The following NEK11 variants were observed in gnomAD, a reference collection of about 807,000 sequenced individuals.
NEK11 encodes NIMA related kinase 11.
NEK11 carries 72 observed loss-of-function variants against 80.7 expected under a neutral mutation model. That is an observed-to-expected ratio of 0.89 (90% CI 0.74 to 1.08). The LOEUF is 1.08. NEK11 is among the 50% of genes least tolerant of loss of function. The pLI is 0.00. For synonymous variants in NEK11, 251 were observed against 260.7 expected, an observed-to-expected ratio of 0.96 and a Z score of 0.36; for missense variants, 764 against 763.6, an observed-to-expected ratio of 1.00 and a Z score of -0.01.
chr3:131,174,133 T>C (rs781184753), intron 14 of NEK11, among the ~76,000 whole-genome samples: 11 of 152,144 alleles, frequency 7.2e-5, no homozygotes, highest in Non-Finnish European at 1.6e-4. Flanking sequence ...GTCAATTCTA[T>C]GTCTTTGCTA....
chr3:131,313,969 G>T (rs2096807909), intron 17 of NEK11, among the ~76,000 whole-genome samples: 1 of 152,160 alleles, frequency 6.6e-6, no homozygotes, highest in East Asian at 1.9e-4. Flanking sequence ...AATATATTGG[G>T]AAATAGATGT....
intron 17 of NEK11, among the ~76,000 whole-genome samples, chr3:131,343,705 C>T (rs1242888588): frequency 2.0e-5 from 3 of 152,240 alleles, no homozygotes; most frequent in Non-Finnish European, 4.4e-5. Context: ...GCTGCCAGAG[C>T]TTATGGCTTG....
chr3:131,192,322 A>G (rs1207108867), intron 14 of NEK11, among the ~76,000 whole-genome samples: 1 of 152,192 alleles, frequency 6.6e-6, no homozygotes, highest in Non-Finnish European at 1.5e-5. Flanking sequence ...TGGAACCCTT[A>G]TGCACTGCTG....
At chr3:131,228,278 A>C (rs959186188) in intron 14 of NEK11, among the ~76,000 whole-genome samples, 2 of 152,132 alleles carry the variant, frequency 1.3e-5, no homozygotes, top group Admixed American at 6.6e-5. Context: ...ATTCTTATTT[A>C]ATGATTTTTT....
At chr3:131,158,553 G>A (rs1378496789) in intron 10 of NEK11, among the ~76,000 whole-genome samples, 1 of 152,180 alleles carries the variant, frequency 6.6e-6, no homozygotes, top group African/African-American at 2.4e-5. Flanking sequence ...CCTGCCCTGA[G>A]TGGCCACCCC....
At chr3:131,074,883 C>T (rs1237566261) in intron 3 of NEK11, among the ~76,000 whole-genome samples, 2 of 152,112 alleles carry the variant, frequency 1.3e-5, no homozygotes, top group Admixed American at 6.6e-5. Context: ...TGTTGGCCTC[C>T]CCATGGGACT....
At chr3:131,220,292 G>A (rs1296474455) in intron 14 of NEK11, among the ~76,000 whole-genome samples, 2 of 152,026 alleles carry the variant, frequency 1.3e-5, no homozygotes, top group Non-Finnish European at 2.9e-5. Context: ...GGACGTTGTA[G>A]CATATTAATC....
intron 14 of NEK11, among the ~76,000 whole-genome samples, chr3:131,224,283 A>G (rs1388291224): frequency 6.6e-6 from 1 of 151,942 alleles, no homozygotes; most frequent in East Asian, 1.9e-4. Context: ...TCTGGAGTGC[A>G]GTGGCACGAT....
At chr3:131,074,239 A>G (rs2073952631) in intron 3 of NEK11, among the ~76,000 whole-genome samples, 1 of 152,146 alleles carries the variant, frequency 6.6e-6, no homozygotes, top group South Asian at 2.1e-4. Flanking sequence ...AGCATGGCTT[A>G]ATGGGAGGGT....
At chr3:131,303,698 A>C (rs1192306404) in intron 17 of NEK11, among the ~76,000 whole-genome samples, 1 of 152,148 alleles carries the variant, frequency 6.6e-6, no homozygotes, top group East Asian at 1.9e-4. Flanking sequence ...TCTGGCTTGT[A>C]GAATTTCTGT....
chr3:131,091,235 TA>T (rs2076684928), intron 4 of NEK11, among the ~76,000 whole-genome samples: 1 of 152,228 alleles, frequency 6.6e-6, no homozygotes. Flanking sequence ...TGCTTAATGC[TA>T]AAAACAGATA....
At chr3:131,177,248 T>C (rs917945238) in intron 14 of NEK11, among the ~76,000 whole-genome samples, 1 of 152,224 alleles carries the variant, frequency 6.6e-6, no homozygotes, top group African/African-American at 2.4e-5. Context: ...GTCCTGACTT[T>C]CCCATGTGAT....
intron 4 of NEK11, among the ~76,000 whole-genome samples, chr3:131,095,528 A>G (rs1466545481): frequency 6.6e-6 from 1 of 151,498 alleles, no homozygotes; most frequent in African/African-American, 2.4e-5. Context: ...TTTTCTGTAT[A>G]TACAGTATTT....
At chr3:131,285,302 T>C (rs974450865) in intron 17 of NEK11, among the ~76,000 whole-genome samples, 4 of 151,900 alleles carry the variant, frequency 2.6e-5, no homozygotes, top group Non-Finnish European at 5.9e-5. Context: ...AGAGAGAAGG[T>C]GGGCTGTGGT....
At chr3:131,136,027 A>G (rs1300419329) in intron 7 of NEK11, among the ~76,000 whole-genome samples, 1 of 152,024 alleles carries the variant, frequency 6.6e-6, no homozygotes, top group Non-Finnish European at 1.5e-5. Flanking sequence ...TAGTATTGCT[A>G]TACTTTAGGA....
At chr3:131,226,773 C>T (rs531607162) in intron 14 of NEK11, among the ~76,000 whole-genome samples, 1 of 152,022 alleles carries the variant, frequency 6.6e-6, no homozygotes, top group South Asian at 2.1e-4. Context: ...CAGACTTCAC[C>T]ACTACAAAAG....
intron 14 of NEK11, among the ~76,000 whole-genome samples, chr3:131,183,408 A>G (rs530671525): frequency 2.8e-4 from 43 of 152,260 alleles, no homozygotes; most frequent in South Asian, 8.3e-4. Context: ...CCCCATATGC[A>G]TTAGCTATTT....
intron 5 of NEK11, among the ~76,000 whole-genome samples, chr3:131,127,721 T>A (rs1278930177): frequency 1.3e-5 from 2 of 152,152 alleles, no homozygotes; most frequent in East Asian, 3.8e-4. Flanking sequence ...GAACAATATA[T>A]GTGAAATATT....
chr3:131,238,038 C>G (rs1259356646), intron 15 of NEK11, among the ~76,000 whole-genome samples: 2 of 152,162 alleles, frequency 1.3e-5, no homozygotes, highest in African/African-American at 4.8e-5. Context: ...ATTGTCCTCA[C>G]TCACTCCACC....
Sources: allele counts gnomAD v4.1 joint callset (sites outside exome capture counted in the v4.1 genomes callset), GRCh38; gene constraint gnomAD v4.1.1; transcripts MANE v1.5; gene names NCBI Gene and HGNC (gene_info 2026-07-23, HGNC 2026-07-21).